The following ARHGAP42 variants were observed in gnomAD, a reference collection of about 807,000 sequenced individuals.
ARHGAP42 encodes the protein rho GTPase-activating protein 42.
ARHGAP42 carries 63 observed loss-of-function variants against 125.0 expected under a neutral mutation model. The ratio of observed to expected loss-of-function variants is 0.50; its 90% CI spans 0.41 to 0.62. ARHGAP42 has a LOEUF of 0.62. Among genes scored for constraint, ARHGAP42 ranks in the 20% least tolerant of loss-of-function variants. The probability of loss-of-function intolerance (pLI) is 0.00; values close to 1 mark genes in which losing one functional copy is unlikely to be tolerated. For synonymous variants in ARHGAP42, 339 were observed against 351.0 expected, an observed-to-expected ratio of 0.97 and a Z score of 0.38; for missense variants, 766 against 1,024.2, an observed-to-expected ratio of 0.75 and a Z score of 3.44.
chr11:100,831,424 A>T (rs552161676), intron 3 of ARHGAP42, among the ~76,000 whole-genome samples: 17 of 152,358 alleles, frequency 1.1e-4, no homozygotes, highest in Admixed American at 6.5e-4. Context: ...AGTCATCCAC[A>T]TCGTTAGGAT....
Position 100,987,503 on chromosome 11 carries a change from G to A in ARHGAP42, c.2457-10G>A. 6.4e-7 allele frequency: 1 copy of A among 1,551,296 alleles called. No individual in the cohort carries two copies. Among genetic ancestry groups the A allele is most frequent in the East Asian group, 2.4e-5 (1 of 40,884 alleles). On this transcript the variant is annotated splice_polypyrimidine_tract_variant and intron_variant, in intron 22 of 23. Transcript: ENST00000298815. ...TGTTGAGGTTTTGACAAGTTGTCTTGCTCTTTCAGCCAAGCCAAAGCCATG... is the reference window on the plus strand; with the variant it reads ...TGTTGAGGTTTTGACAAGTTGTCTTACTCTTTCAGCCAAGCCAAAGCCATG...
intron 4 of ARHGAP42, among the ~76,000 whole-genome samples, chr11:100,873,998 A>C (rs1281846208): frequency 7.9e-5 from 12 of 152,190 alleles, no homozygotes. Flanking sequence ...TTACATTAGA[A>C]TGTTCATAGT....
chr11:100,988,000 C>T (rs1456775639), intron 23 of ARHGAP42, among the ~76,000 whole-genome samples: 8 of 151,998 alleles, frequency 5.3e-5, no homozygotes, highest in Non-Finnish European at 1.2e-4. Context: ...TGGTGGTGTG[C>T]ACCTGTAGTC....
chr11:100,783,807 A>T (rs1863370421), intron 2 of ARHGAP42, among the ~76,000 whole-genome samples: 1 of 152,250 alleles, frequency 6.6e-6, no homozygotes, highest in Admixed American at 6.5e-5. Context: ...GTTCATGCTG[A>T]TGTGGACTTT....
chr11:100,821,150 G>T (rs1864397070), intron 3 of ARHGAP42, among the ~76,000 whole-genome samples: 1 of 152,056 alleles, frequency 6.6e-6, no homozygotes, highest in African/African-American at 2.4e-5. Context: ...CTCCCTGTAA[G>T]TATAAAAGGA....
At chr11:100,764,381 A>G (rs1468587705) in intron 1 of ARHGAP42, among the ~76,000 whole-genome samples, 1 of 152,148 alleles carries the variant, frequency 6.6e-6, no homozygotes, top group Non-Finnish European at 1.5e-5. Context: ...GCCATGAAAG[A>G]GCATCCAGTT....
intron 4 of ARHGAP42, among the ~76,000 whole-genome samples, chr11:100,861,556 AAGG>A (rs2135143683): frequency 1.3e-5 from 2 of 152,318 alleles, no homozygotes; most frequent in South Asian, 4.1e-4. Flanking sequence ...AACTGGGGAC[AAGG>A]AGATGTATGA....
intron 4 of ARHGAP42, among the ~76,000 whole-genome samples, chr11:100,875,121 G>C (rs867226724): frequency 0.029 from 3,385 of 116,198 alleles, 34 homozygotes; most frequent in Non-Finnish European, 0.037. Context: ...GTGTGTGTGT[G>C]TGTGTGTGTG....
intron 5 of ARHGAP42, among the ~76,000 whole-genome samples, chr11:100,918,999 A>G (rs1389586892): frequency 2.0e-5 from 3 of 152,192 alleles, no homozygotes; most frequent in African/African-American, 4.8e-5. Flanking sequence ...GACTCAGCAT[A>G]TAGTCATACT....
intron 4 of ARHGAP42, among the ~76,000 whole-genome samples, chr11:100,875,758 T>TGGTG (rs1865810024): frequency 9.6e-6 from 1 of 104,632 alleles, no homozygotes; most frequent in Non-Finnish European, 2.1e-5. Context: ...ACGTCCAGGG[T>TGGTG]GGCGGGGGGT....
intron 2 of ARHGAP42, among the ~76,000 whole-genome samples, chr11:100,770,935 G>C (rs1022166220): frequency 2.0e-5 from 3 of 151,748 alleles, no homozygotes; most frequent in Non-Finnish European, 4.4e-5. Context: ...TTTGTTTGTT[G>C]TTTCCATAAG....
chr11:100,970,278 C>T (rs1053058482), intron 17 of ARHGAP42, among the ~76,000 whole-genome samples: 5 of 152,058 alleles, frequency 3.3e-5, no homozygotes, highest in African/African-American at 7.2e-5. Context: ...TTTGGGTCAC[C>T]GTGCCCAGAC....
chr11:100,832,492 T>G (rs910386687), intron 3 of ARHGAP42, among the ~76,000 whole-genome samples: 2 of 152,214 alleles, frequency 1.3e-5, no homozygotes, highest in Admixed American at 1.3e-4. Context: ...GATCAAAAGC[T>G]TCCTAACTTA....
At chr11:100,693,025 A>G (rs1331469273) in intron 1 of ARHGAP42, among the ~76,000 whole-genome samples, 4 of 152,202 alleles carry the variant, frequency 2.6e-5, no homozygotes, top group African/African-American at 7.2e-5. Flanking sequence ...GAAAGAATTA[A>G]AAGGGGGAAA....
At chr11:100,769,712 CTTTTTTTTTTTTTTT>C (rs140626690) in intron 1 of ARHGAP42, among the ~76,000 whole-genome samples, 3 of 78,096 alleles carry the variant, frequency 3.8e-5, no homozygotes, top group South Asian at 1.2e-3. Context: ...AGCATTCCTT[CTTTTTTTTTTTTTTT>C]TTTTTTTTTT....
At chr11:100,911,468 A>G (rs1422466199) in intron 4 of ARHGAP42, among the ~76,000 whole-genome samples, 2 of 152,160 alleles carry the variant, frequency 1.3e-5, no homozygotes, top group Non-Finnish European at 2.9e-5. Context: ...GCTGGATGCT[A>G]AAAGTAGATA....
At chr11:100,845,735 T>C (rs1865051781) in intron 3 of ARHGAP42, among the ~76,000 whole-genome samples, 1 of 152,168 alleles carries the variant, frequency 6.6e-6, no homozygotes, top group South Asian at 2.1e-4. Context: ...GCCCTCGTTT[T>C]CACCTTTTTG....
intron 1 of ARHGAP42, among the ~76,000 whole-genome samples, chr11:100,742,603 T>C (rs1042161142): frequency 1.3e-5 from 2 of 152,194 alleles, no homozygotes; most frequent in African/African-American, 4.8e-5. Flanking sequence ...TGACAGCCCT[T>C]TTCAAAGGTC....
chr11:100,868,031 G>T (rs578161738), intron 4 of ARHGAP42, among the ~76,000 whole-genome samples: 14 of 152,176 alleles, frequency 9.2e-5, no homozygotes, highest in African/African-American at 3.4e-4. Flanking sequence ...TGGAGCCCCA[G>T]AACAATCACA....
Sources: gnomAD v4.1 joint callset for allele counts (sites outside exome capture counted in the v4.1 genomes callset) on GRCh38, gnomAD v4.1.1 for gene constraint, MANE v1.5 for transcripts, NCBI Gene and HGNC (gene_info 2026-07-23, HGNC 2026-07-21) for gene names.